Variants in NLRP11 observed in about 807,000 individuals in gnomAD.
The protein encoded by NLRP11 is NACHT, LRR and PYD domains-containing protein 11.
NLRP11 carries 53 observed loss-of-function variants against 79.3 expected under a neutral mutation model. The ratio of observed to expected loss-of-function variants is 0.67; its 90% confidence interval spans 0.54 to 0.84. NLRP11 has a LOEUF of 0.84. Ranked by LOEUF, NLRP11 falls within the 40% of genes least tolerant of loss-of-function variation. The probability of loss-of-function intolerance (pLI) is 0.00; values close to 1 mark genes in which losing one functional copy is unlikely to be tolerated. For synonymous variants in NLRP11, 518 were observed against 462.6 expected, an observed-to-expected ratio of 1.12 and a Z score of -1.54; for missense variants, 1,264 against 1,255.0, an observed-to-expected ratio of 1.01 and a Z score of -0.11.
intron 9 of NLRP11, among the ~76,000 whole-genome samples, chr19:55,788,461 C>T (rs142016235): frequency 4.6e-5 from 7 of 151,212 alleles, no homozygotes. Context: ...CCCATCACAG[C>T]CAGGCGCGGT....
chr19:55,829,400 C>T (rs1330143046), intron 1 of NLRP11, among the ~76,000 whole-genome samples: 1 of 152,010 alleles, frequency 6.6e-6, no homozygotes, highest in Non-Finnish European at 1.5e-5. Flanking sequence ...CAGGGTGGCT[C>T]ATGCCTGTAA....
Position 55,801,742 on chromosome 19 carries a change from G to A in NLRP11, c.2004-3C>T. 6.2e-7 allele frequency: 1 copy of A among 1,613,790 alleles called. No individual in the cohort carries two copies. Among genetic ancestry groups the A allele is most frequent in the Non-Finnish European group, 8.5e-7 (1 of 1,179,686 alleles). Reference sequence around the variant, plus strand: ...AAGCAGTCGAGACATAGGACAACCTGTGGAAGACATAATAGCAGGAAAGCA... The same window carrying A: ...AAGCAGTCGAGACATAGGACAACCTATGGAAGACATAATAGCAGGAAAGCA... On this transcript the variant is annotated splice_polypyrimidine_tract_variant and splice_region_variant and intron_variant, in intron 4 of 9. Coordinates refer to ENST00000589093, the Ensembl canonical transcript of NLRP11.
At chr19:55,810,482 C>CA (rs1353911374) in intron 2 of NLRP11, 144 bp from the exon 3 acceptor site, 4 of 704,558 alleles carry the variant, frequency 5.7e-6, no homozygotes, top group African/African-American at 1.8e-5. Flanking sequence ...GATATAGGTA[C>CA]AAAGATATTT....
intron 4 of NLRP11, among the ~76,000 whole-genome samples, chr19:55,802,905 A>C (rs1979621394): frequency 6.6e-6 from 1 of 152,196 alleles, no homozygotes; most frequent in Non-Finnish European, 1.5e-5. Flanking sequence ...GACAAAGACA[A>C]GCAGTGGAGA....
chr19:55,824,362 G>A (rs1199777879), intron 1 of NLRP11, among the ~76,000 whole-genome samples: 4 of 147,132 alleles, frequency 2.7e-5, no homozygotes, highest in Non-Finnish European at 5.9e-5. Context: ...CAACTAATGA[G>A]CAAAATCACC....
In NLRP11 at chr19:55,809,663, C is replaced by G. The variant is rs764386802; in HGVS notation, c.947G>C (p.Arg316Pro). 6.2e-6 allele frequency: 10 copies of G among 1,613,944 alleles called. No individual in the cohort carries two copies. Among genetic ancestry groups the G allele is most frequent in the Non-Finnish European group, 6.8e-6 (8 of 1,179,934 alleles). The change falls in exon 3 of 10, where the codon CGC becomes CCC. Residue 316 changes from arginine (R) to proline (P), a missense_variant. Transcript: ENST00000589093. This position sits in a 1 kb window ranked among gnomAD's most constrained non-coding sequence, Gnocchi z 4.5. ...CTGGAGGGCTGCCGACGCCCTCTGG[C>G]GGTCTTTAAAGAAAGAGTTAAAATA...
chr19:55,802,033 T>C (rs1979531275), intron 4 of NLRP11, among the ~76,000 whole-genome samples: 1 of 152,142 alleles, frequency 6.6e-6, no homozygotes, highest in African/African-American at 2.4e-5. Context: ...CACAAAGATA[T>C]TAAGATACAT....
At chr19:55,818,681 T>G (rs1600198254) in intron 1 of NLRP11, among the ~76,000 whole-genome samples, 1 of 152,196 alleles carries the variant, frequency 6.6e-6, no homozygotes, top group South Asian at 2.1e-4. Flanking sequence ...ATGATTATAC[T>G]CCTTGGAGGT....
rs2122705814 is a variant in NLRP11 at position 55,788,806 on chromosome 19, C to T, written c.2855+1G>A. The T allele has an allele frequency of 1.3e-6, 2 of 1,483,536 alleles. No homozygotes were observed. Among genetic ancestry groups the T allele is most frequent in the Non-Finnish European group, 1.8e-6 (2 of 1,085,576 alleles). The allele number at this position is 1,483,536 out of a possible 1,614,324, so 91.9% of individuals were successfully genotyped here. On this transcript the variant is annotated splice_donor_variant, in intron 9 of 9. Transcript: ENST00000589093. LOFTEE classifies it high-confidence loss of function. ...ATCACCAAGGAAAATAAGCAACTTA[C>T]CCAACTACCTTAAGTACACAATCTG...
At chr19:55,823,843 G>C (rs1982053438) in intron 1 of NLRP11, among the ~76,000 whole-genome samples, 1 of 146,902 alleles carries the variant, frequency 6.8e-6, no homozygotes, top group East Asian at 2.0e-4. Flanking sequence ...CGCTCTGCAG[G>C]ATATTATCCA....
intron 6 of NLRP11, among the ~76,000 whole-genome samples, chr19:55,793,787 T>A (rs1978531902): frequency 6.6e-6 from 1 of 152,066 alleles, no homozygotes; most frequent in South Asian, 2.1e-4. Context: ...GTTTGACACG[T>A]GAAATGGGCT....
Position 55,809,750 on chromosome 19 carries a change from G to T in NLRP11, c.860C>A (p.Thr287Lys). The T allele has an allele frequency of 6.2e-7, 1 of 1,614,158 alleles. No homozygotes were observed. Among genetic ancestry groups the T allele is most frequent in the Non-Finnish European group, 8.5e-7 (1 of 1,180,012 alleles). The change falls in exon 3 of 10, where the codon ACG becomes AAG. Residue 287 changes from threonine (T) to lysine (K), a missense_variant. Transcript: ENST00000589093. This position sits in a 1 kb window ranked among gnomAD's most constrained non-coding sequence, Gnocchi z 4.5. ...GCAGCAATCTACCTCTTTCAAGAACGTTTTTACATTATTCCCACGTGTGGG... is the reference window on the plus strand; with the variant it reads ...GCAGCAATCTACCTCTTTCAAGAACTTTTTTACATTATTCCCACGTGTGGG...
At chr19:55,821,944 C>T (rs754799603) in intron 1 of NLRP11, among the ~76,000 whole-genome samples, 6 of 152,194 alleles carry the variant, frequency 3.9e-5, no homozygotes, top group Non-Finnish European at 7.4e-5. Flanking sequence ...CAGTTCTTTT[C>T]GTGCTCATAT....
chr19:55,817,763 C>G lies in NLRP11; in HGVS notation c.271+141G>C, dbSNP rs1183141214. On this transcript the variant is annotated intron_variant, in intron 2 of 9. Coordinates refer to ENST00000589093, the Ensembl canonical transcript of NLRP11. The stretch of plus-strand genomic sequence containing the variant: ...GGGGATGCCAAAGTTTTAGAAATCA[C>G]CACTAAAGAACTTACTCATGTACTC... 4.6e-6 allele frequency: 3 copies of G among 658,318 alleles called. No individual in the cohort carries two copies. In the African/African-American group the frequency reaches 5.7e-5, roughly 12 times the overall value. 40.8% of individuals were successfully genotyped at this position (658,318 alleles called of 1,614,324 possible). A position where few individuals can be genotyped will look rare whatever the true frequency, so the allele number is the denominator to read the frequency against.
intron 4 of NLRP11, among the ~76,000 whole-genome samples, chr19:55,802,609 T>C (rs1312815315): frequency 1.3e-5 from 2 of 152,222 alleles, no homozygotes; most frequent in African/African-American, 2.4e-5. Flanking sequence ...ACAGATTCAA[T>C]GCTATTCCTA....
chr19:55,807,027 C>T (rs1048692524), intron 4 of NLRP11, among the ~76,000 whole-genome samples: 1 of 152,136 alleles, frequency 6.6e-6, no homozygotes, highest in African/African-American at 2.4e-5. Flanking sequence ...CTTTTCCCCC[C>T]GTAACACCAT....
chr19:55,823,860 C>T (rs1046867824), intron 1 of NLRP11, among the ~76,000 whole-genome samples: 1 of 144,724 alleles, frequency 6.9e-6, no homozygotes, highest in East Asian at 2.1e-4. Flanking sequence ...TCCAGGAGAA[C>T]TTCCCCAATC....
chr19:55,798,392 A>G (rs1399059995), intron 5 of NLRP11: 3 of 947,150 alleles, frequency 3.2e-6, no homozygotes, highest in Non-Finnish European at 3.8e-6. Context: ...CATTATCCTT[A>G]GCAAACTAAC....
rs2122915363 is a variant in NLRP11 at position 55,824,911 on chromosome 19, C to T, written c.-62-6675G>A. Among the ~76,000 whole-genome samples, 2 of 77,490 alleles carry T rather than the reference C, an allele frequency of 2.6e-5. 1 individual carries two copies. Among genetic ancestry groups the T allele is most frequent in the South Asian group, 8.0e-4 (2 of 2,490 alleles). The allele number at this position is 77,490 out of a possible 152,430, so 50.8% of individuals were successfully genotyped here. ...TGAACTCAGCTCTGCACCAAGCGGACCTAATAGACATCTACAGAACTCTCC... is the reference window on the plus strand; with the variant it reads ...TGAACTCAGCTCTGCACCAAGCGGATCTAATAGACATCTACAGAACTCTCC... On this transcript the variant is annotated intron_variant, in intron 1 of 9. Coordinates refer to ENST00000589093, the Ensembl canonical transcript of NLRP11.
Sources: allele counts gnomAD v4.1 joint callset (sites outside exome capture counted in the v4.1 genomes callset), GRCh38; gene constraint gnomAD v4.1.1; non-coding constraint Gnocchi (gnomAD v3.1); transcripts MANE v1.5; gene names NCBI Gene and HGNC (gene_info 2026-07-23, HGNC 2026-07-21).